The following SORCS2 variants were observed in gnomAD, a reference collection of about 807,000 sequenced individuals.
SORCS2 encodes sortilin related VPS10 domain containing receptor 2.
Under a neutral mutation model 141.6 loss-of-function variants are expected in SORCS2, and 100 were observed. The observed-to-expected ratio is 0.71, with a 90% CI of 0.60 to 0.83. SORCS2 has a LOEUF of 0.83. SORCS2 is among the 40% of genes least tolerant of loss of function. The pLI, the probability that SORCS2 is intolerant of heterozygous loss-of-function variation, is 0.00. For missense variants in SORCS2, 1,646 were observed against 1,560.2 expected, an observed-to-expected ratio of 1.05 and a Z score of -0.93; for synonymous variants, 789 against 676.9, an observed-to-expected ratio of 1.17 and a Z score of -2.57.
chr4:7,259,135 A>G (rs938210172), intron 1 of SORCS2, among the ~76,000 whole-genome samples: 1 of 152,060 alleles, frequency 6.6e-6, no homozygotes, highest in African/African-American at 2.4e-5. Context: ...GTTTAATTAG[A>G]TCCCTTTTCT....
At chr4:7,196,926 G>C (rs567905008) in intron 1 of SORCS2, among the ~76,000 whole-genome samples, 1 of 152,190 alleles carries the variant, frequency 6.6e-6, no homozygotes. Context: ...CCAAGTTTGC[G>C]TGAGAATTCC....
chr4:7,266,943 C>T (rs1413924778), intron 1 of SORCS2, among the ~76,000 whole-genome samples: 4 of 149,608 alleles, frequency 2.7e-5, no homozygotes, highest in African/African-American at 9.8e-5. Flanking sequence ...ACAGTGCCAG[C>T]TTTTTGGGCA....
At chr4:7,223,964 T>C (rs1728860732) in intron 1 of SORCS2, among the ~76,000 whole-genome samples, 1 of 152,102 alleles carries the variant, frequency 6.6e-6, no homozygotes, top group Non-Finnish European at 1.5e-5. Flanking sequence ...AGGCACAGAG[T>C]AGGAACTCAA....
At chr4:7,437,234 C>T (rs1437797186) in intron 2 of SORCS2, among the ~76,000 whole-genome samples, 3 of 152,180 alleles carry the variant, frequency 2.0e-5, no homozygotes, top group Non-Finnish European at 2.9e-5. Context: ...ACCCCCTCCT[C>T]GGGTTTGATA....
intron 1 of SORCS2, among the ~76,000 whole-genome samples, chr4:7,302,179 C>G (rs1717478187): frequency 6.6e-6 from 1 of 152,242 alleles, no homozygotes; most frequent in Non-Finnish European, 1.5e-5. Context: ...TGGTGAGATC[C>G]TCACAGGCAG....
At chr4:7,446,251 G>C (rs149583538) in intron 2 of SORCS2, among the ~76,000 whole-genome samples, 1 of 152,106 alleles carries the variant, frequency 6.6e-6, no homozygotes, top group Non-Finnish European at 1.5e-5. Context: ...CTCTGATGTC[G>C]CACAGTGAGT....
At chr4:7,718,276 A>C in intron 18 of SORCS2, 93 bp downstream of exon 18, 3 of 1,431,446 alleles carry the variant, frequency 2.1e-6, no homozygotes, top group East Asian at 2.5e-5. Context: ...TGTCTCCTCC[A>C]CCTAGAAGTG....
At chr4:7,346,122 A>G (rs1238998313) in intron 1 of SORCS2, among the ~76,000 whole-genome samples, 3 of 151,714 alleles carry the variant, frequency 2.0e-5, no homozygotes, top group African/African-American at 7.3e-5. Flanking sequence ...TTCTTTTTCT[A>G]GCTTCTTGAG....
intron 1 of SORCS2, among the ~76,000 whole-genome samples, chr4:7,387,857 C>T (rs1239206677): frequency 9.3e-6 from 1 of 107,768 alleles, no homozygotes; most frequent in Non-Finnish European, 2.4e-5. Flanking sequence ...CACACACATA[C>T]AGGTACACAG....
chr4:7,654,768 A>G lies in SORCS2; in HGVS notation c.887+561A>G, dbSNP rs555659574. ...CCCCTACTGGGTGCCAATGAGCAGG[A>G]TAAGTTTGGGGTTGTACCCCAGACA... On this transcript the variant is annotated intron_variant, in intron 5 of 26. Transcript: ENST00000507866. 2.8e-4 allele frequency among the ~76,000 whole-genome samples: 43 copies of G among 152,278 alleles called. 1 individual carries two copies. In the South Asian group the frequency reaches 7.0e-3, roughly 25 times the overall value.
intron 2 of SORCS2, chr4:7,434,887 A>C: frequency 1.3e-6 from 2 of 1,545,066 alleles, no homozygotes; most frequent in Admixed American, 2.0e-5. Flanking sequence ...CATGCTGCCC[A>C]GGGACTCTCT....
intron 2 of SORCS2, among the ~76,000 whole-genome samples, chr4:7,469,712 G>A (rs1577616300): frequency 2.0e-5 from 3 of 152,340 alleles, no homozygotes; most frequent in Non-Finnish European, 4.4e-5. Flanking sequence ...GGATTGGAGT[G>A]GAGCTCCTGT....
At chr4:7,302,452 C>A (rs1002579537) in intron 1 of SORCS2, among the ~76,000 whole-genome samples, 1 of 152,192 alleles carries the variant, frequency 6.6e-6, no homozygotes, top group South Asian at 2.1e-4. Context: ...CTGCCCAGAA[C>A]GCCCTCCCTG....
chr4:7,679,061 C>A (rs1167884501), intron 9 of SORCS2, among the ~76,000 whole-genome samples: 2 of 152,198 alleles, frequency 1.3e-5, no homozygotes, highest in Non-Finnish European at 2.9e-5. Context: ...GGGCTGGCAC[C>A]TGAGTCTCAC....
intron 1 of SORCS2, among the ~76,000 whole-genome samples, chr4:7,291,357 C>G (rs1293728401): frequency 6.6e-6 from 1 of 152,156 alleles, no homozygotes; most frequent in African/African-American, 2.4e-5. Context: ...CTGGAGGAGT[C>G]CACGCCTGGC....
intron 3 of SORCS2, among the ~76,000 whole-genome samples, chr4:7,546,686 C>T (rs1319879213): frequency 2.0e-5 from 3 of 152,128 alleles, no homozygotes; most frequent in Non-Finnish European, 2.9e-5. Context: ...GGGACGCTGC[C>T]GTGGGATTCC....
intron 2 of SORCS2, among the ~76,000 whole-genome samples, chr4:7,478,018 C>T (rs1387051295): frequency 1.3e-5 from 2 of 152,142 alleles, no homozygotes; most frequent in Non-Finnish European, 2.9e-5. Context: ...GCTGCTGGAG[C>T]CCCAGGGCCC....
At chr4:7,376,904 C>T (rs1220606758) in intron 1 of SORCS2, among the ~76,000 whole-genome samples, 1 of 152,158 alleles carries the variant, frequency 6.6e-6, no homozygotes, top group Non-Finnish European at 1.5e-5. Context: ...CCCCCACCCC[C>T]ACCCAGCCCA....
intron 1 of SORCS2, among the ~76,000 whole-genome samples, chr4:7,267,344 G>A (rs1714813262): frequency 1.3e-5 from 2 of 152,186 alleles, no homozygotes; most frequent in Admixed American, 6.6e-5. Flanking sequence ...GGGAGATCCT[G>A]GAGAAACCCC....
Sources: gnomAD v4.1 joint callset for allele counts (sites outside exome capture counted in the v4.1 genomes callset) on GRCh38, gnomAD v4.1.1 for gene constraint, MANE v1.5 for transcripts, NCBI Gene and HGNC (gene_info 2026-07-23, HGNC 2026-07-21) for gene names.